ANKRD28: variants seen among roughly 807,000 people sequenced by gnomAD.
The protein encoded by ANKRD28 is serine/threonine-protein phosphatase 6 regulatory ankyrin repeat subunit A.
In ANKRD28, 44 loss-of-function variants were observed where a neutral mutation model predicts 126.5. The ratio of observed to expected loss-of-function variants is 0.35; its 90% CI spans 0.27 to 0.45. ANKRD28 has a LOEUF of 0.45. ANKRD28 is among the 20% of genes least tolerant of loss of function. ANKRD28 has a pLI of 1.00. For synonymous variants in ANKRD28, 442 were observed against 468.5 expected, an observed-to-expected ratio of 0.94 and a Z score of 0.73; for missense variants, 1,110 against 1,316.6, an observed-to-expected ratio of 0.84 and a Z score of 2.43.
intron 4 of ANKRD28, among the ~76,000 whole-genome samples, chr3:15,746,155 CAG>C (rs935022670): frequency 7.2e-5 from 11 of 152,314 alleles, no homozygotes; most frequent in Admixed American, 2.0e-4. Context: ...CATCAGCAAA[CAG>C]TGACAGTTTG....
Position 15,737,117 on chromosome 3 carries a change from C to G in ANKRD28, c.468G>C (p.Leu156Phe). 1 of 1,613,938 alleles carries G rather than the reference C, an allele frequency of 6.2e-7. No homozygotes were observed. Among genetic ancestry groups the G allele is most frequent in the South Asian group, 1.1e-5 (1 of 91,076 alleles). Residue 156 changes from leucine to phenylalanine, a missense_variant, in exon 5 of 28, where the codon TTG becomes TTC. Leu to Phe is a conservative substitution (Grantham distance 22). Transcript: ENST00000683139. ...ANKAVKCAEALVPLLSNVNVS... is the reference protein window; with the variant it reads ...ANKAVKCAEAFVPLLSNVNVS... ...CGTTTACATTACTCAGAAGAGGTAC[C>G]AAAGCTTCAGCACACTTTACAGCTT...
At chr3:15,778,663 T>C (rs1339341088) in intron 2 of ANKRD28, among the ~76,000 whole-genome samples, 1 of 152,144 alleles carries the variant, frequency 6.6e-6, no homozygotes, top group African/African-American at 2.4e-5. Flanking sequence ...AGACCCAGAT[T>C]TAGAGTTCAT....
rs536526957 is a variant in ANKRD28, at chr3:15,671,020, G to A, written c.2966-464C>T. Among the ~76,000 whole-genome samples, 30 of 152,332 alleles carry A rather than the reference G, an allele frequency of 2.0e-4. No homozygotes were observed. The South Asian group carries it at 5.4e-3, about 27-fold the overall frequency. ...TTTGATGCTAAGAAATCTTAAATGT[G>A]TACAGCTTCATGAATCAGCCACAGG... On this transcript the variant is annotated intron_variant, in intron 27 of 27. Transcript: ENST00000683139.
intron 2 of ANKRD28, among the ~76,000 whole-genome samples, chr3:15,776,972 CAAAATGAA>C (rs2059297671): frequency 2.0e-5 from 3 of 151,898 alleles, no homozygotes; most frequent in Non-Finnish European, 2.9e-5. Context: ...AACTAATGTT[CAAAATGAA>C]AAAAAGTCAC....
chr3:15,834,453 G>A (rs112052664), intron 1 of ANKRD28, among the ~76,000 whole-genome samples: 3 of 152,042 alleles, frequency 2.0e-5, no homozygotes, highest in Non-Finnish European at 4.4e-5. Flanking sequence ...GGTTACTATA[G>A]TCTTGCAGTA....
At chr3:15,702,070 A>T (rs748623969) in intron 14 of ANKRD28, among the ~76,000 whole-genome samples, 1 of 152,234 alleles carries the variant, frequency 6.6e-6, no homozygotes, top group Admixed American at 6.5e-5. Flanking sequence ...AGATTTTGCT[A>T]AACAATATAA....
intron 1 of ANKRD28, among the ~76,000 whole-genome samples, chr3:15,826,055 A>G (rs575625162): frequency 5.9e-5 from 9 of 152,318 alleles, no homozygotes; most frequent in Admixed American, 5.9e-4. Context: ...ACATGTCTAT[A>G]TCCTATGACC....
intron 2 of ANKRD28, among the ~76,000 whole-genome samples, chr3:15,791,313 C>A (rs2060012309): frequency 6.6e-6 from 1 of 151,358 alleles, no homozygotes; most frequent in Non-Finnish European, 1.5e-5. Flanking sequence ...CCAAAGCCAC[C>A]CTAAGCAAAA....
chr3:15,848,590 G>A (rs149472341), intron 1 of ANKRD28, among the ~76,000 whole-genome samples: 125 of 152,036 alleles, frequency 8.2e-4, no homozygotes, highest in Non-Finnish European at 1.5e-3. Flanking sequence ...TGGGAGAATC[G>A]CTTGAGCCCA....
At chr3:15,801,930 G>A (rs372067528), upstream of ANKRD28, among the ~76,000 whole-genome samples, 54 of 152,272 alleles carry the variant, frequency 3.5e-4, no homozygotes, top group Non-Finnish European at 6.5e-4. The surrounding 1 kb of genome is among the most constrained non-coding windows in gnomAD (Gnocchi z 4.9). Context: ...CCACTGGTAC[G>A]TTACATTCGT....
chr3:15,695,165 G>A (rs749923999), intron 16 of ANKRD28, 23 bp downstream of exon 16: 11 of 1,578,134 alleles, frequency 7.0e-6, no homozygotes, highest in Middle Eastern at 1.7e-4. Context: ...CTAATTGGTG[G>A]GAGGGAATTG....
In ANKRD28 at chr3:15,688,036, A is replaced by AATAG. The variant is rs1399513553; in HGVS notation, c.1964-1731_1964-1728dup. 3.3e-5 allele frequency among the ~76,000 whole-genome samples: 5 copies of AATAG among 152,348 alleles called. No individual in the cohort carries two copies. The East Asian group carries it at 9.6e-4, about 29-fold the overall frequency. ...ATAGATACAAGGCTTGCATTTATTG[A>AATAG]ATAGATAGGCACTAAGAGTAACCTG... On this transcript the variant is annotated intron_variant, in intron 18 of 27. Coordinates refer to ENST00000683139, the MANE Select transcript of ANKRD28 (RefSeq NM_001349278.2).
At chr3:15,792,052 C>T (rs1179567480) in intron 2 of ANKRD28, among the ~76,000 whole-genome samples, 1 of 152,040 alleles carries the variant, frequency 6.6e-6, no homozygotes, top group East Asian at 1.9e-4. Flanking sequence ...AGTTAAAATG[C>T]CTTTTATCCA....
chr3:15,740,801 G>A (rs1013736171), intron 4 of ANKRD28, among the ~76,000 whole-genome samples: 1 of 152,184 alleles, frequency 6.6e-6, no homozygotes, highest in African/African-American at 2.4e-5. Flanking sequence ...GCGTAGGTAA[G>A]TGGGCACCTA....
At chr3:15,834,991 T>G (rs987720490) in intron 1 of ANKRD28, among the ~76,000 whole-genome samples, 2 of 152,032 alleles carry the variant, frequency 1.3e-5, no homozygotes, top group African/African-American at 4.8e-5. Flanking sequence ...CTACTAAAAA[T>G]ACAAAAATTA....
intron 21 of ANKRD28, chr3:15,684,116 C>G (rs1363176604): frequency 6.6e-6 from 1 of 152,174 alleles, no homozygotes; most frequent in Non-Finnish European, 1.5e-5. Context: ...AAGCCTGAAG[C>G]TTGAACTTTG....
exon 1 of ANKRD28, chr3:15,859,443 C>CTCCGCCGCT: frequency 9.5e-6 from 14 of 1,478,946 alleles, no homozygotes; most frequent in Non-Finnish European, 1.2e-5. Context: ...CCTCCTCCTC[C>CTCCGCCGCT]GCCGCTGCCG....
chr3:15,750,993 AG>A (rs2057822659), intron 4 of ANKRD28, among the ~76,000 whole-genome samples: 1 of 152,188 alleles, frequency 6.6e-6, no homozygotes, highest in Non-Finnish European at 1.5e-5. Context: ...AATGCATTTT[AG>A]AAAAGCACCG....
In ANKRD28 at chr3:15,670,285, A is replaced by T; in HGVS notation, c.3237T>A (p.Asp1079Glu). The stretch of plus-strand genomic sequence containing the variant: ...CCTCAGCCTCTCAGTAGGTCTCAGA[A>T]TCGGAGTCGTTGAGCTCATCCACGT... ...YTDVDELNDS[D>E]SETY is the part of the protein sequence containing the mutation. The change falls in exon 28 of 28, where the codon GAT becomes GAA. Residue 1079 changes from aspartate (D) to glutamate (E), a missense_variant. By Grantham distance (45) the Asp-to-Glu change is conservative. Transcript: ENST00000683139. 6.2e-7 allele frequency: 1 copy of T among 1,613,430 alleles called. No individual in the cohort carries two copies. The highest frequency in any genetic ancestry group is 8.5e-7 in the Non-Finnish European group (1 of 1,179,358).
Sources: gnomAD v4.1 joint callset for allele counts (sites outside exome capture counted in the v4.1 genomes callset) on GRCh38, gnomAD v4.1.1 for gene constraint, Gnocchi (gnomAD v3.1) non-coding constraint, MANE v1.5 for transcripts, NCBI Gene and HGNC (gene_info 2026-07-23, HGNC 2026-07-21) for gene names.